The following TRRAP variants were observed in gnomAD, a reference collection of about 807,000 sequenced individuals.
TRRAP encodes transformation/transcription domain associated protein, also known as transformation/transcription domain-associated protein.
TRRAP carries 41 observed loss-of-function variants against 438.8 expected under a neutral mutation model. The ratio of observed to expected loss-of-function variants is 0.09; its 90% CI spans 0.07 to 0.12. The LOEUF is 0.12. Ranked by LOEUF, TRRAP falls within the 10% of genes least tolerant of loss-of-function variation. The probability of loss-of-function intolerance (pLI) is 1.00; values close to 1 mark genes in which losing one functional copy is unlikely to be tolerated. For synonymous variants in TRRAP, 1,994 were observed against 1,962.9 expected (o/e 1.02, Z -0.42); for missense variants, 3,122 against 5,055.1 (o/e 0.62, Z 11.60).
chr7:98,894,142 G>A (rs1018651047), intron 6 of TRRAP, among the ~76,000 whole-genome samples: 6 of 152,164 alleles, frequency 3.9e-5, no homozygotes, highest in Non-Finnish European at 7.4e-5. Flanking sequence ...GTATTTATGC[G>A]TATGATGTAC....
rs777233008 is a variant in TRRAP at position 98,985,039 on chromosome 7, C to T, written c.9384C>T (p.Ile3128=). 9 of 1,602,636 alleles carry T rather than the reference C, an allele frequency of 5.6e-6. No homozygotes were observed. In the South Asian group the frequency reaches 8.9e-5, roughly 16 times the overall value. ...YALKGMFLAQ[I]NKSEEANKAF... The stretch of plus-strand genomic sequence containing the variant: ...TGAAGGGAATGTTCTTGGCTCAGAT[C>T]AACAAGTATGTATGTTATATTGAAA... The change falls in exon 62 of 73, where the codon ATC becomes ATT. Residue 3128 remains isoleucine (I), a synonymous_variant. Transcript: ENST00000456197.
chr7:98,961,146 T>A, intron 45 of TRRAP, 115 bp from the exon 46 acceptor site: 1 of 923,748 alleles, frequency 1.1e-6, no homozygotes, highest in Non-Finnish European at 1.7e-6. Context: ...TGGTTTTTTT[T>A]ACTTAGTCTC....
chr7:98,967,752 T>C (rs1792220805), intron 51 of TRRAP, 54 bp downstream of exon 51: 5 of 1,551,696 alleles, frequency 3.2e-6, no homozygotes, highest in South Asian at 2.3e-5. Context: ...GTTTTCTGAG[T>C]TGGGGCTCCA....
At chr7:98,911,373 A>AATTT in intron 17 of TRRAP, 102 bp downstream of exon 17, 1 of 1,198,420 alleles carries the variant, frequency 8.3e-7, no homozygotes. Flanking sequence ...TAATGTAGCC[A>AATTT]AGGATGTGCT....
intron 41 of TRRAP, 87 bp downstream of exon 41, chr7:98,955,391 G>C (rs937805979): frequency 2.8e-5 from 39 of 1,376,822 alleles, no homozygotes; most frequent in Non-Finnish European, 3.6e-5. Context: ...GCAATAATCA[G>C]GTGGTCGTTC....
rs1430261912 is a variant in TRRAP at position 99,012,403 on chromosome 7, G to A, written c.*48G>A. ...GAATGTGAAGGGCGCTCCGGGCTCT[G>A]AGCCCGCAGCTTTTACGACTTCTCC... On this transcript the variant is annotated 3_prime_UTR_variant, in exon 73 of 73. Coordinates refer to ENST00000456197, the MANE Select transcript of TRRAP (RefSeq NM_001375524.1). The surrounding 1 kb of genome is among the most constrained non-coding windows in gnomAD (Gnocchi z 5.9). 1 of 1,524,096 alleles carries A rather than the reference G, an allele frequency of 6.6e-7. No individual in the cohort carries two copies. The highest frequency in any genetic ancestry group is 1.2e-5 in the South Asian group (1 of 81,024). The allele number at this position is 1,524,096 out of a possible 1,614,324, so 94.4% of individuals were successfully genotyped here.
chr7:99,004,905 C>G (rs1012135044), intron 68 of TRRAP, among the ~76,000 whole-genome samples: 1 of 152,172 alleles, frequency 6.6e-6, no homozygotes, highest in African/African-American at 2.4e-5. Flanking sequence ...CCTGTCCTGG[C>G]CAGCTCTCCC....
At chr7:98,928,093 C>T (rs1790137351) in intron 23 of TRRAP, among the ~76,000 whole-genome samples, 1 of 152,128 alleles carries the variant, frequency 6.6e-6, no homozygotes, top group African/African-American at 2.4e-5. Flanking sequence ...ACCAAATTAG[C>T]TGGGCATGGT....
rs376979144 is a variant in TRRAP at position 98,897,680 on chromosome 7, TG to T, written c.508-60del. The stretch of plus-strand genomic sequence containing the variant: ...CTTTTTGTTTTGTTTTGTTTTGTTT[TG>T]TTTTTGAATGAATATTGGGTTTGAC... On this transcript the variant is annotated intron_variant, in intron 7 of 72. Transcript: ENST00000456197. 1.4e-5 allele frequency: 22 copies of T among 1,523,310 alleles called. No individual in the cohort carries two copies. The African/African-American group carries it at 1.5e-4, about 11-fold the overall frequency. 94.4% of individuals were successfully genotyped at this position (1,523,310 alleles called of 1,614,324 possible). A position where few individuals can be genotyped will look rare whatever the true frequency, so the allele number is the denominator to read the frequency against.
Position 98,937,166 on chromosome 7 carries a change from T to C in TRRAP, c.4122T>C (p.Ala1374=), listed in dbSNP as rs1790593993. ...TTTCTCTCCCTGAAGATGCACTTGC[T>C]GCCTGCAATTACCTTCCTCAGTCCA... ...PLRIAALNAL[A]ACNYLPQSRE... Residue 1374 remains alanine (A), a synonymous_variant, in exon 29 of 73, where the codon GCT becomes GCC. Transcript: ENST00000456197. 2 of 1,609,112 alleles carry C rather than the reference T, an allele frequency of 1.2e-6. No individual in the cohort carries two copies. Among genetic ancestry groups the C allele is most frequent in the Non-Finnish European group, 8.5e-7 (1 of 1,178,276 alleles).
intron 43 of TRRAP, 138 bp from the exon 44 acceptor site, chr7:98,957,843 T>A: frequency 2.8e-6 from 2 of 725,536 alleles, no homozygotes; most frequent in South Asian, 3.1e-5. Flanking sequence ...ACCACATCTG[T>A]CTTTGGTATC....
chr7:98,961,817 G>A (rs1163959617), intron 46 of TRRAP, among the ~76,000 whole-genome samples: 2 of 152,164 alleles, frequency 1.3e-5, no homozygotes, highest in African/African-American at 4.8e-5. Context: ...TACTCGGGAG[G>A]CTGAGGCAGG....
intron 19 of TRRAP, 38 bp from the exon 20 acceptor site, chr7:98,917,385 G>T: frequency 6.2e-7 from 1 of 1,600,720 alleles, no homozygotes; most frequent in East Asian, 2.2e-5. Flanking sequence ...AGTCTGGGGA[G>T]CGTCTTCCCT....
chr7:99,010,518 C>T (rs746079479), intron 70 of TRRAP, among the ~76,000 whole-genome samples: 1 of 152,142 alleles, frequency 6.6e-6, no homozygotes, highest in Non-Finnish European at 1.5e-5. Context: ...ACCAGATGGT[C>T]GAACGGGAAG....
In TRRAP at chr7:99,012,160, C is replaced by T. The variant is rs219817; in HGVS notation, c.11427C>T (p.Ala3809=). The T allele has an allele frequency of 1.9e-4, 311 of 1,614,226 alleles. No individual in the cohort carries two copies. The highest frequency in any genetic ancestry group is 9.6e-4 in the African/African-American group (72 of 75,068). The part of the protein sequence containing the change: ...TQEDTSSPLS[A]AGQPENMDSQ... Reference sequence around the variant, plus strand: ...AGGACACGTCCTCTCCTCTCTCGGCCGCCGGGCAGCCAGAGAACATGGACA... The same window carrying T: ...AGGACACGTCCTCTCCTCTCTCGGCTGCCGGGCAGCCAGAGAACATGGACA... The change falls in exon 73 of 73, where the codon GCC becomes GCT. Residue 3809 remains alanine (A), a synonymous_variant. Transcript: ENST00000456197. The surrounding 1 kb of genome is among the most constrained non-coding windows in gnomAD (Gnocchi z 5.9).
chr7:98,903,443 C>T lies in TRRAP; in HGVS notation c.962C>T (p.Pro321Leu). The T allele has an allele frequency of 6.2e-7, 1 of 1,614,170 alleles. No homozygotes were observed. Among genetic ancestry groups the T allele is most frequent in the Non-Finnish European group, 8.5e-7 (1 of 1,180,040 alleles). The change falls in exon 12 of 73, where the codon CCA becomes CTA. Residue 321 changes from proline (P) to leucine (L), a missense_variant. By Grantham distance (98) the Pro-to-Leu change is moderately conservative. Coordinates refer to ENST00000456197, the MANE Select transcript of TRRAP (RefSeq NM_001375524.1). ...ATGCTCCAGTTACTTTCAAATTGTC[C>T]AGCAGAGACTGCACACCTCAGAAAG... ...KGMLQLLSNCPAETAHLRKEL... is the reference protein window; with the variant it reads ...KGMLQLLSNCLAETAHLRKEL...
Position 98,950,953 on chromosome 7 carries a change from C to T in TRRAP, c.5412C>T (p.Pro1804=). 6.2e-7 allele frequency: 1 copy of T among 1,610,708 alleles called. No homozygotes were observed. Among genetic ancestry groups the T allele is most frequent in the Non-Finnish European group, 8.5e-7 (1 of 1,178,810 alleles). The change falls in exon 39 of 73, where the codon CCC becomes CCT. Residue 1804 remains proline, a synonymous_variant. Coordinates refer to ENST00000456197, the MANE Select transcript of TRRAP (RefSeq NM_001375524.1). ...KGEGEQLLGP[P]NPEGDNPESI... is the part of the protein sequence containing the mutation. ...AAGGAGAGCAGCTCTTGGGACCTCC[C>T]AATCCAGAAGGAGATAACCCAGAAA... is the stretch of plus-strand genomic sequence containing the variant.
chr7:98,988,988 T>C (rs771534754), intron 63 of TRRAP, 22 bp downstream of exon 63: 4 of 1,604,658 alleles, frequency 2.5e-6, no homozygotes, highest in Non-Finnish European at 3.4e-6. Flanking sequence ...AAAACGAGCT[T>C]TGACCAGAGG....
At chr7:98,918,172 G>A (rs1019240596) in intron 20 of TRRAP, among the ~76,000 whole-genome samples, 1 of 149,948 alleles carries the variant, frequency 6.7e-6, no homozygotes. Context: ...GTACTGAATG[G>A]ACATTATTTT....
Sources: gnomAD v4.1 joint callset for allele counts (sites outside exome capture counted in the v4.1 genomes callset) on GRCh38, gnomAD v4.1.1 for gene constraint, Gnocchi (gnomAD v3.1) non-coding constraint, MANE v1.5 for transcripts, NCBI Gene and HGNC (gene_info 2026-07-23, HGNC 2026-07-21) for gene names.